The following NEXMIF variants were observed in gnomAD, a reference collection of about 807,000 sequenced individuals.
NEXMIF encodes neurite extension and migration factor.
In NEXMIF, 8 loss-of-function variants were observed where a neutral mutation model predicts 62.1. The ratio of observed to expected loss-of-function variants is 0.13; its 90% confidence interval spans 0.08 to 0.23. The LOEUF (loss-of-function observed/expected upper bound fraction) is 0.23, where lower values mean the gene tolerates loss of function less well. Among genes scored for constraint, NEXMIF ranks in the 10% least tolerant of loss-of-function variants. The pLI is 1.00. For synonymous variants in NEXMIF, 404 were observed against 416.6 expected, an observed-to-expected ratio of 0.97 and a Z score of 0.37; for missense variants, 976 against 1,113.3, an observed-to-expected ratio of 0.88 and a Z score of 1.75.
At chrX:74,803,521 T>C (rs757337874) in intron 1 of NEXMIF, among the ~76,000 whole-genome samples, 2 of 110,555 alleles carry the variant, frequency 1.8e-5, no homozygotes, top group East Asian at 2.8e-4. Flanking sequence ...TGAGCAGAGA[T>C]TGCGCCACTG....
chrX:74,866,673 A>C (rs1420712455), intron 1 of NEXMIF, among the ~76,000 whole-genome samples: 1 of 112,587 alleles, frequency 8.9e-6, no homozygotes, highest in African/African-American at 3.2e-5. Context: ...TAATTGAATC[A>C]TGGGAGTGGG....
Position 74,744,094 on chromosome X carries a change from C to A in NEXMIF, c.463G>T (p.Asp155Tyr). Residue 155 changes from aspartate (D) to tyrosine (Y), a missense_variant, in exon 3 of 4, where the codon GAT becomes TAT. This residue lies in a region of NEXMIF where 126 missense variants were observed against 146.5 expected (regional missense o/e 0.86). Coordinates refer to ENST00000055682, the MANE Select transcript of NEXMIF (RefSeq NM_001008537.3). ...TCLGCFMESK[D>Y]AVDPEPGISL... Reference sequence around the variant, plus strand: ...ATCCCTGGCTCAGGATCTACTGCATCCTTGGATTCCATGAAGCAGCCTAAG... The same window carrying A: ...ATCCCTGGCTCAGGATCTACTGCATACTTGGATTCCATGAAGCAGCCTAAG... The A allele has an allele frequency of 8.3e-7, 1 of 1,211,903 alleles. No homozygotes were observed. The highest frequency in any genetic ancestry group is 2.3e-4 in the Middle Eastern group (1 of 4,356).
At chrX:74,842,766 T>C (rs1030688754) in intron 1 of NEXMIF, among the ~76,000 whole-genome samples, 2 of 112,337 alleles carry the variant, frequency 1.8e-5, no homozygotes, top group African/African-American at 6.5e-5. Flanking sequence ...TTAATTTCCA[T>C]GTAATTGTAT....
rs966477199 is a variant in NEXMIF, at chrX:74,883,604, T to A, written c.-48+41279A>T. On this transcript the variant is annotated intron_variant, in intron 1 of 3. Coordinates refer to ENST00000055682, the MANE Select transcript of NEXMIF (RefSeq NM_001008537.3). ...GAAGAGAAGTTTAGAGAAAAAAGAA[T>A]AAAAAGAAACAAACAAAGCCTCCAA... 1.4e-4 allele frequency among the ~76,000 whole-genome samples: 16 copies of A among 111,300 alleles called. No homozygotes were observed. In the Admixed American group the frequency reaches 1.5e-3, roughly 11 times the overall value.
chrX:74,911,266 A>T (rs182826909), intron 1 of NEXMIF, among the ~76,000 whole-genome samples: 1 of 111,431 alleles, frequency 9.0e-6, no homozygotes, highest in Non-Finnish European at 1.9e-5. Context: ...CTAAAAATAC[A>T]AAAATTAGCC....
intron 1 of NEXMIF, among the ~76,000 whole-genome samples, chrX:74,837,312 T>G (rs1280932765): frequency 8.9e-6 from 1 of 112,010 alleles, no homozygotes; most frequent in African/African-American, 3.3e-5. Flanking sequence ...TGCAGATAGT[T>G]GTTAAAATTT....
intron 1 of NEXMIF, among the ~76,000 whole-genome samples, chrX:74,809,113 C>T (rs1202967095): frequency 1.8e-5 from 2 of 111,398 alleles, no homozygotes; most frequent in African/African-American, 6.5e-5. Context: ...CAGAGAGCAG[C>T]ACCTTGATCT....
chrX:74,795,611 T>C (rs765240490), intron 1 of NEXMIF, among the ~76,000 whole-genome samples: 1 of 111,291 alleles, frequency 9.0e-6, no homozygotes, highest in Non-Finnish European at 1.9e-5. Context: ...GGTATTGGGG[T>C]GGTGAGCACA....
At chrX:74,795,718 C>T (rs957873899) in intron 1 of NEXMIF, among the ~76,000 whole-genome samples, 1 of 111,152 alleles carries the variant, frequency 9.0e-6, no homozygotes, top group Non-Finnish European at 1.9e-5. Context: ...GTCAGAGGAT[C>T]CCAGGATGAA....
intron 1 of NEXMIF, among the ~76,000 whole-genome samples, chrX:74,796,210 T>TATATATATACATATATA: frequency 1.4e-4 from 3 of 22,203 alleles, no homozygotes; most frequent in African/African-American, 2.7e-4. Flanking sequence ...ACATATATAT[T>TATATATATACATATATA]ATATATATAT....
At chrX:74,904,394 C>T (rs899052497) in intron 1 of NEXMIF, among the ~76,000 whole-genome samples, 1 of 111,926 alleles carries the variant, frequency 8.9e-6, no homozygotes, top group Non-Finnish European at 1.9e-5. Flanking sequence ...CAATTCCCTG[C>T]CTATACCATT....
intron 1 of NEXMIF, among the ~76,000 whole-genome samples, chrX:74,887,264 C>T (rs1222532290): frequency 2.7e-4 from 30 of 111,094 alleles, no homozygotes; most frequent in Non-Finnish European, 4.3e-4. Context: ...TCGAAAACAC[C>T]AAAAGCAATG....
chrX:74,763,846 T>TA (rs1329958159), intron 1 of NEXMIF, among the ~76,000 whole-genome samples: 4 of 112,157 alleles, frequency 3.6e-5, no homozygotes, highest in South Asian at 3.7e-4. Context: ...TGAAGTTGCT[T>TA]TCAGCTTAAG....
At chrX:74,823,503 C>A (rs2080404223) in intron 1 of NEXMIF, among the ~76,000 whole-genome samples, 1 of 111,703 alleles carries the variant, frequency 9.0e-6, no homozygotes, top group African/African-American at 3.2e-5. Context: ...TTGAGCTTTT[C>A]ATTTTCTATA....
chrX:74,917,206 C>T (rs969979623), intron 1 of NEXMIF, among the ~76,000 whole-genome samples: 5 of 111,536 alleles, frequency 4.5e-5, no homozygotes, highest in Non-Finnish European at 9.4e-5. Flanking sequence ...CCTTGCTGTT[C>T]TCATGATAGT....
chrX:74,871,126 T>C (rs1251138679), intron 1 of NEXMIF, among the ~76,000 whole-genome samples: 1 of 111,796 alleles, frequency 8.9e-6, no homozygotes, highest in Non-Finnish European at 1.9e-5. Context: ...CAGCCCCCAA[T>C]ATTTCAATGT....
intron 1 of NEXMIF, among the ~76,000 whole-genome samples, chrX:74,898,531 T>C (rs779848403): frequency 4.5e-5 from 5 of 111,580 alleles, no homozygotes; most frequent in Admixed American, 9.6e-5. Flanking sequence ...ACTGAAGAAA[T>C]ATAAAGTATA....
At position 74,741,480 on chromosome X, in the gene NEXMIF, A is replaced by T; in HGVS notation, c.3077T>A (p.Phe1026Tyr). Residue 1026 changes from phenylalanine (F) to tyrosine (Y), a missense_variant, in exon 3 of 4, where the codon TTC becomes TAC. Physicochemically the swap from Phe to Tyr is conservative, Grantham distance 22 (BLOSUM62 3). This residue lies in a region of NEXMIF where 639 missense variants were observed against 694.5 expected (regional missense o/e 0.92). Coordinates refer to ENST00000055682, the MANE Select transcript of NEXMIF (RefSeq NM_001008537.3). ...CAGCTTAGGGCTGCAATGGGCCAGG[A>T]AGTCATCAGTGATATCATCATCGCC... ...KDGDDDITDD[F>Y]LAHCSPKLVI... is the part of the protein sequence containing the mutation. 1.7e-6 allele frequency: 2 copies of T among 1,211,761 alleles called. No individual in the cohort carries two copies. The highest frequency in any genetic ancestry group is 2.2e-6 in the Non-Finnish European group (2 of 895,485).
At chrX:74,878,438 T>G (rs897265010) in intron 1 of NEXMIF, among the ~76,000 whole-genome samples, 1 of 112,240 alleles carries the variant, frequency 8.9e-6, no homozygotes, top group Admixed American at 9.4e-5. Context: ...ACTGCTGTCT[T>G]TGTGTTTGTG....
Sources: gnomAD v4.1 joint callset for allele counts (sites outside exome capture counted in the v4.1 genomes callset) on GRCh38, gnomAD v4.1.1 for gene constraint, gnomAD v4.1.1 regional missense constraint, MANE v1.5 for transcripts, NCBI Gene and HGNC (gene_info 2026-07-23, HGNC 2026-07-21) for gene names.